Variants in GALNT18 observed in about 807,000 individuals in gnomAD.
GALNT18 encodes the protein polypeptide N-acetylgalactosaminyltransferase 18.
A neutral mutation model predicts 69.5 loss-of-function variants in GALNT18; 44 were observed. The ratio of observed to expected loss-of-function variants is 0.63; its 90% CI spans 0.50 to 0.81. The LOEUF (loss-of-function observed/expected upper bound fraction) is 0.81, where lower values mean the gene tolerates loss of function less well. GALNT18 is among the 40% of genes least tolerant of loss of function. GALNT18 has a pLI of 0.00. For missense variants in GALNT18, 715 were observed against 810.0 expected (o/e 0.88, Z 1.42); for synonymous variants, 364 against 318.2 (o/e 1.14, Z -1.53).
At position 11,339,612 on chromosome 11, in the gene GALNT18, A is replaced by G. The variant is rs1294104634; in HGVS notation, c.1278+1207T>C. ...TGACCATGAGTCCAGAAGGTAATGCAGTTCCCCAGAAACACTCTTACTGTC... is the reference window on the plus strand; with the variant it reads ...TGACCATGAGTCCAGAAGGTAATGCGGTTCCCCAGAAACACTCTTACTGTC... On this transcript the variant is annotated intron_variant, in intron 7 of 10. Transcript: ENST00000227756. This position sits in a 1 kb window ranked among gnomAD's most constrained non-coding sequence, Gnocchi z 5.2. Among the ~76,000 whole-genome samples, 1 of 152,208 alleles carries G rather than the reference A, an allele frequency of 6.6e-6. No homozygotes were observed. Among genetic ancestry groups the G allele is most frequent in the African/African-American group, 2.4e-5 (1 of 41,440 alleles).
At chr11:11,399,811 G>A (rs1038254462) in intron 3 of GALNT18, among the ~76,000 whole-genome samples, 8 of 152,190 alleles carry the variant, frequency 5.3e-5, no homozygotes, top group Admixed American at 3.3e-4. Flanking sequence ...TGCCTGGCAG[G>A]TACTGAATAC....
chr11:11,545,555 T>C (rs942951991), intron 1 of GALNT18, among the ~76,000 whole-genome samples: 1 of 152,220 alleles, frequency 6.6e-6, no homozygotes, highest in Non-Finnish European at 1.5e-5. Flanking sequence ...CAAGCCACAC[T>C]CCTTGAAATC....
chr11:11,298,966 C>T (rs1246230900), intron 9 of GALNT18, among the ~76,000 whole-genome samples: 1 of 152,130 alleles, frequency 6.6e-6, no homozygotes, highest in Non-Finnish European at 1.5e-5. Context: ...CAACCTCCAC[C>T]AGGCCCCACT....
chr11:11,405,379 G>A (rs77606284), intron 3 of GALNT18, among the ~76,000 whole-genome samples: 9 of 152,276 alleles, frequency 5.9e-5, no homozygotes, highest in Admixed American at 4.6e-4. Context: ...CCACAGAGAC[G>A]AGTTAAAATA....
intron 3 of GALNT18, among the ~76,000 whole-genome samples, chr11:11,386,552 G>T (rs1013953299): frequency 2.6e-5 from 4 of 152,138 alleles, no homozygotes; most frequent in Non-Finnish European, 4.4e-5. Flanking sequence ...ATGTGTGTTT[G>T]ATGGCTTAAA....
chr11:11,447,158 G>A (rs909883159), intron 2 of GALNT18, among the ~76,000 whole-genome samples: 15 of 152,134 alleles, frequency 9.9e-5, no homozygotes, highest in African/African-American at 3.1e-4. Context: ...CGTGCCATGC[G>A]TGCTTCTGCC....
intron 9 of GALNT18, among the ~76,000 whole-genome samples, chr11:11,316,873 G>C (rs2722759): frequency 0.87 from 132,623 of 152,272 alleles, 57,914 homozygotes; most frequent in Middle Eastern, 0.96. Flanking sequence ...CAGACAGGAA[G>C]TCCTCCAGGG....
At chr11:11,324,272 C>T (rs562048793) in intron 9 of GALNT18, among the ~76,000 whole-genome samples, 1 of 152,320 alleles carries the variant, frequency 6.6e-6, no homozygotes, top group South Asian at 2.1e-4. Flanking sequence ...CATATTTCAA[C>T]CCTATGACTC....
In GALNT18 at chr11:11,374,178, C is replaced by T. The variant is rs529033294; in HGVS notation, c.978-1549G>A. On this transcript the variant is annotated intron_variant, in intron 5 of 10. Coordinates refer to ENST00000227756, the MANE Select transcript of GALNT18 (RefSeq NM_198516.3). ...ACTCCTAAAGCAGACTGAGACCCTG[C>T]TGTGGTGGAGGTAACTGAACCCAGG... 2.0e-5 allele frequency among the ~76,000 whole-genome samples: 3 copies of T among 152,298 alleles called. No homozygotes were observed. The East Asian group carries it at 5.8e-4, about 29-fold the overall frequency.
rs181856469 is a variant in GALNT18 at position 11,615,191 on chromosome 11, A to C, written c.235+6168T>G. Among the ~76,000 whole-genome samples, 288 of 152,340 alleles carry C rather than the reference A, an allele frequency of 1.9e-3. 2 individuals are homozygous for C. The highest frequency in any genetic ancestry group is 6.7e-3 in the African/African-American group (277 of 41,586). On this transcript the variant is annotated intron_variant, in intron 1 of 10. Transcript: ENST00000227756. Reference sequence around the variant, plus strand: ...TCTTCTTCACAAACGCTGCCAAGTCAAAGCTCAGATGAGAAGAACACGAGC... The same window carrying C: ...TCTTCTTCACAAACGCTGCCAAGTCCAAGCTCAGATGAGAAGAACACGAGC...
chr11:11,316,822 A>C (rs1041701905), intron 9 of GALNT18, among the ~76,000 whole-genome samples: 1 of 152,158 alleles, frequency 6.6e-6, no homozygotes, highest in Non-Finnish European at 1.5e-5. Flanking sequence ...GTAAGATTTC[A>C]TTGTATAAAC....
In GALNT18 at chr11:11,439,110, C is replaced by A. The variant is rs1855478695; in HGVS notation, c.429-6323G>T. Among the ~76,000 whole-genome samples the A allele has an allele frequency of 1.3e-5, 2 of 152,164 alleles. No homozygotes were observed. Among genetic ancestry groups the A allele is most frequent in the Non-Finnish European group, 2.9e-5 (2 of 68,032 alleles). ...AAGAATGACCAGTGGCCCTGTCCAG[C>A]CACTGGACAATGGAGGGGTTGAATG... On this transcript the variant is annotated intron_variant, in intron 2 of 10. Transcript: ENST00000227756. The surrounding 1 kb of genome is among the most constrained non-coding windows in gnomAD (Gnocchi z 4.4).
rs201763974 is a variant in GALNT18, at chr11:11,586,835, A to ACACAC, written c.235+34523_235+34524insGTGTG. 1.5e-5 allele frequency among the ~76,000 whole-genome samples: 1 copy of ACACAC among 65,652 alleles called. No homozygotes were observed. Among genetic ancestry groups the ACACAC allele is most frequent in the African/African-American group, 3.9e-5 (1 of 25,404 alleles). The allele number at this position is 65,652 out of a possible 152,430, so 43.1% of individuals were successfully genotyped here. ...CTAAAAACACACACACACACACACAAAAAAAAGCCAGGTGTGGTGGCGGGC... is the reference window on the plus strand; with the variant it reads ...CTAAAAACACACACACACACACACAACACACAAAAAAGCCAGGTGTGGTGGCGGGC... On this transcript the variant is annotated intron_variant, in intron 1 of 10. Coordinates refer to ENST00000227756, the MANE Select transcript of GALNT18 (RefSeq NM_198516.3). This position sits in a 1 kb window ranked among gnomAD's most constrained non-coding sequence, Gnocchi z 4.1.
intron 2 of GALNT18, among the ~76,000 whole-genome samples, chr11:11,447,107 A>G (rs1351187104): frequency 6.6e-6 from 1 of 152,004 alleles, no homozygotes; most frequent in Non-Finnish European, 1.5e-5. Flanking sequence ...TACACACCCC[A>G]TTCCAGCCAC....
chr11:11,353,173 A>G (rs1280066938), intron 6 of GALNT18: 1 of 1,606,168 alleles, frequency 6.2e-7, no homozygotes, highest in Non-Finnish European at 8.5e-7. Flanking sequence ...TCTGGCAGTC[A>G]CTGTGTTCAG....
rs183474398 is a variant in GALNT18 at position 11,620,804 on chromosome 11, G to C, written c.235+555C>G. On this transcript the variant is annotated intron_variant, in intron 1 of 10. Coordinates refer to ENST00000227756, the MANE Select transcript of GALNT18 (RefSeq NM_198516.3). The surrounding 1 kb of genome is among the most constrained non-coding windows in gnomAD (Gnocchi z 6.9). ...CAGAGGGCTCCTTGCATTCCCTATC[G>C]CCTACCAACGGGATCACAGCAAGAC... 6.6e-6 allele frequency among the ~76,000 whole-genome samples: 1 copy of C among 152,236 alleles called. No individual in the cohort carries two copies. Among genetic ancestry groups the C allele is most frequent in the Non-Finnish European group, 1.5e-5 (1 of 68,008 alleles).
rs1856881443 is a variant in GALNT18, at chr11:11,497,195, C to A, written c.236-48259G>T. 6.6e-6 allele frequency among the ~76,000 whole-genome samples: 1 copy of A among 152,154 alleles called. No individual in the cohort carries two copies. Among genetic ancestry groups the A allele is most frequent in the African/African-American group, 2.4e-5 (1 of 41,428 alleles). On this transcript the variant is annotated intron_variant, in intron 1 of 10. Coordinates refer to ENST00000227756, the MANE Select transcript of GALNT18 (RefSeq NM_198516.3). This position sits in a 1 kb window ranked among gnomAD's most constrained non-coding sequence, Gnocchi z 4.2. Reference sequence around the variant, plus strand: ...CTTGCCACAGGACAACCTTCCCCAACCAGCCAACATCAGCACCCTCAACTG... The same window carrying A: ...CTTGCCACAGGACAACCTTCCCCAAACAGCCAACATCAGCACCCTCAACTG...
At chr11:11,560,109 T>A (rs1343759814) in intron 1 of GALNT18, among the ~76,000 whole-genome samples, 360 of 148,888 alleles carry the variant, frequency 2.4e-3, no homozygotes, top group Middle Eastern at 7.7e-3. Flanking sequence ...TGGAATAGAA[T>A]AAGATACAAT....
intron 6 of GALNT18, among the ~76,000 whole-genome samples, chr11:11,369,091 T>C (rs1306896509): frequency 6.6e-6 from 1 of 152,218 alleles, no homozygotes; most frequent in African/African-American, 2.4e-5. Context: ...TGAGAAAACA[T>C]AAACTTAAGT....
Sources: allele counts gnomAD v4.1 joint callset (sites outside exome capture counted in the v4.1 genomes callset), GRCh38; gene constraint gnomAD v4.1.1; non-coding constraint Gnocchi (gnomAD v3.1); transcripts MANE v1.5; gene names NCBI Gene and HGNC (gene_info 2026-07-23, HGNC 2026-07-21).